GRID2: variants seen among roughly 807,000 people sequenced by gnomAD.
GRID2 encodes glutamate ionotropic receptor delta type subunit 2, also known as glutamate receptor ionotropic, delta-2.
A neutral mutation model predicts 114.8 loss-of-function variants in GRID2; 33 were observed. The observed-to-expected ratio is 0.29, with a 90% CI of 0.22 to 0.38. The LOEUF (loss-of-function observed/expected upper bound fraction) is 0.38. GRID2 is among the 10% of genes least tolerant of loss of function. GRID2 has a pLI of 1.00. For synonymous variants in GRID2, 505 were observed against 449.9 expected (o/e 1.12, Z -1.55); for missense variants, 1,184 against 1,257.7 (o/e 0.94, Z 0.89).
intron 2 of GRID2, among the ~76,000 whole-genome samples, chr4:93,022,859 A>G (rs1041573958): frequency 3.3e-5 from 5 of 151,908 alleles, no homozygotes; most frequent in African/African-American, 1.2e-4. Context: ...ATGTTTTGTA[A>G]ATATTTCCCT....
chr4:93,323,597 G>T (rs918929818), intron 8 of GRID2, among the ~76,000 whole-genome samples: 4 of 152,162 alleles, frequency 2.6e-5, no homozygotes, highest in African/African-American at 9.7e-5. Context: ...GTCATTGGTA[G>T]CTTGATTGGG....
chr4:93,192,593 C>CA, intron 4 of GRID2, among the ~76,000 whole-genome samples: 1 of 151,764 alleles, frequency 6.6e-6, no homozygotes, highest in South Asian at 2.1e-4. Context: ...ACTAAAAATA[C>CA]AAAAAATAGC....
intron 2 of GRID2, among the ~76,000 whole-genome samples, chr4:93,042,277 C>CTCTT (rs1553971484): frequency 1.6e-5 from 1 of 62,342 alleles, no homozygotes; most frequent in African/African-American, 6.4e-5. Flanking sequence ...CTCTCTCTTT[C>CTCTT]TCTCTCTCTC....
At chr4:92,461,550 A>C (rs1224550760) in intron 1 of GRID2, among the ~76,000 whole-genome samples, 1 of 152,010 alleles carries the variant, frequency 6.6e-6, no homozygotes, top group African/African-American at 2.4e-5. Context: ...CAGTATAGAT[A>C]ATAATATAGC....
At chr4:93,050,699 C>T (rs2149280171) in intron 2 of GRID2, among the ~76,000 whole-genome samples, 1 of 152,122 alleles carries the variant, frequency 6.6e-6, no homozygotes, top group East Asian at 1.9e-4. Flanking sequence ...AATTTGTAAG[C>T]AATTGCCTCT....
intron 2 of GRID2, among the ~76,000 whole-genome samples, chr4:92,656,788 C>G (rs1162494421): frequency 6.6e-6 from 1 of 151,604 alleles, no homozygotes; most frequent in African/African-American, 2.4e-5. Context: ...GAGGAATTAA[C>G]TTGTGTTTTA....
chr4:93,212,993 G>A (rs1221122158), intron 5 of GRID2, among the ~76,000 whole-genome samples: 1 of 151,966 alleles, frequency 6.6e-6, no homozygotes, highest in African/African-American at 2.4e-5. Flanking sequence ...GGCTGGTCTC[G>A]AACTCCTGAC....
In GRID2 at chr4:92,848,642, T is replaced by C. The variant is rs573579981; in HGVS notation, c.245-236353T>C. Among the ~76,000 whole-genome samples, 4 of 152,078 alleles carry C rather than the reference T, an allele frequency of 2.6e-5. No individual in the cohort carries two copies. In the South Asian group the frequency reaches 6.2e-4, roughly 24 times the overall value. ...GCCTATTGTCAAGTTAATGGGTAAC[T>C]AGATTGATGAGTCTACATCATTACC... On this transcript the variant is annotated intron_variant, in intron 2 of 15. Transcript: ENST00000282020.
intron 13 of GRID2, among the ~76,000 whole-genome samples, chr4:93,584,851 A>G (rs1009361489): frequency 1.3e-5 from 2 of 152,098 alleles, no homozygotes; most frequent in East Asian, 3.9e-4. Flanking sequence ...CTAAATCAGG[A>G]CTATAAAGTG....
intron 2 of GRID2, among the ~76,000 whole-genome samples, chr4:93,050,876 C>T (rs1203718481): frequency 6.6e-6 from 1 of 152,048 alleles, no homozygotes; most frequent in Non-Finnish European, 1.5e-5. Flanking sequence ...GCTTTCACTT[C>T]TCCAACAGGC....
At chr4:93,740,131 A>G (rs536692498) in intron 14 of GRID2, among the ~76,000 whole-genome samples, 1 of 152,190 alleles carries the variant, frequency 6.6e-6, no homozygotes. Context: ...GGATATATTT[A>G]GATACACAAA....
chr4:92,800,779 T>C (rs1312317534), intron 2 of GRID2, among the ~76,000 whole-genome samples: 1 of 152,002 alleles, frequency 6.6e-6, no homozygotes, highest in Admixed American at 6.6e-5. Flanking sequence ...ACATTATGCC[T>C]AGGCCACTCT....
chr4:93,610,900 T>A (rs1740812765), intron 13 of GRID2, among the ~76,000 whole-genome samples: 1 of 140,258 alleles, frequency 7.1e-6, no homozygotes, highest in Admixed American at 7.0e-5. Flanking sequence ...TACCAGTTCC[T>A]CCTTGTACTT....
At chr4:93,662,036 T>A (rs62321977) in intron 14 of GRID2, among the ~76,000 whole-genome samples, 2 of 152,070 alleles carry the variant, frequency 1.3e-5, no homozygotes, top group Non-Finnish European at 2.9e-5. Context: ...TTGCTCATTC[T>A]GTTCCAGCTA....
intron 1 of GRID2, among the ~76,000 whole-genome samples, chr4:92,421,081 T>A (rs1731886425): frequency 6.6e-6 from 1 of 152,060 alleles, no homozygotes; most frequent in Non-Finnish European, 1.5e-5. Context: ...TTCAGTTCCA[T>A]CATTTACTTT....
In GRID2 at chr4:93,455,811, T is replaced by A. The variant is rs1723134263; in HGVS notation, c.1695T>A (p.Phe565Leu). ...ATATGTTTGCCTGTCTTGCACCATT[T>A]GATCTCTCTCTATGGGCTTGCATTG... ...TVDMFACLAP[F>L]DLSLWACIAG... The change falls in exon 11 of 16, where the codon TTT becomes TTA. Residue 565 changes from phenylalanine (F) to leucine (L), a missense_variant. Physicochemically the swap from Phe to Leu is conservative, Grantham distance 22 (BLOSUM62 0). Around this residue, in one of 3 missense-constraint regions of GRID2, gnomAD observed 717 missense variants for 796.9 expected, o/e 0.90. Coordinates refer to ENST00000282020, the MANE Select transcript of GRID2 (RefSeq NM_001510.4). The A allele has an allele frequency of 6.2e-7, 1 of 1,613,846 alleles. No homozygotes were observed. Among genetic ancestry groups the A allele is most frequent in the East Asian group, 2.2e-5 (1 of 44,846 alleles).
intron 14 of GRID2, among the ~76,000 whole-genome samples, chr4:93,726,912 A>G (rs1384142754): frequency 6.6e-6 from 1 of 152,198 alleles, no homozygotes. Flanking sequence ...CTCTAGATAT[A>G]CAATCATGTC....
intron 2 of GRID2, among the ~76,000 whole-genome samples, chr4:92,872,748 C>G (rs1745363745): frequency 6.6e-6 from 1 of 152,132 alleles, no homozygotes; most frequent in Non-Finnish European, 1.5e-5. Flanking sequence ...TGGCACAGCT[C>G]AGTGACCTTA....
At position 92,454,071 on chromosome 4, in the gene GRID2, T is replaced by C. The variant is rs140568366; in HGVS notation, c.89-136060T>C. On this transcript the variant is annotated intron_variant, in intron 1 of 15. Transcript: ENST00000282020. Reference sequence around the variant, plus strand: ...AATAAACAGTACTATGTCATAATAGTACATGACATATAGATAATTTACTTT... The same window carrying C: ...AATAAACAGTACTATGTCATAATAGCACATGACATATAGATAATTTACTTT... Among the ~76,000 whole-genome samples, 1,443 of 152,260 alleles carry C rather than the reference T, an allele frequency of 9.5e-3. 9 individuals carry two copies. The highest frequency in any genetic ancestry group is 0.054 in the Middle Eastern group (16 of 294).
Sources: allele counts gnomAD v4.1 joint callset (sites outside exome capture counted in the v4.1 genomes callset), GRCh38; gene constraint gnomAD v4.1.1; regional missense constraint gnomAD v4.1.1; transcripts MANE v1.5; gene names NCBI Gene and HGNC (gene_info 2026-07-23, HGNC 2026-07-21).